Variants in IGLL5 observed in about 807,000 individuals in gnomAD.
IGLL5 encodes the protein immunoglobulin lambda-like polypeptide 5.
In IGLL5, 30 loss-of-function variants were observed where a neutral mutation model predicts 20.9. The ratio of observed to expected loss-of-function variants is 1.44; its 90% CI spans 1.07 to 1.95. The LOEUF is 1.95. Among genes scored for constraint, IGLL5 ranks in the 30% most tolerant of loss-of-function variants. The pLI is 0.00. For synonymous variants in IGLL5, 203 were observed against 117.3 expected, an observed-to-expected ratio of 1.73 and a Z score of -4.72; for missense variants, 475 against 270.7, an observed-to-expected ratio of 1.75 and a Z score of -5.30.
chr22:22,888,424 T>G lies in IGLL5; in HGVS notation c.206+165T>G, dbSNP rs181805234. ...GGGTTGATATTTTGTCCATCACAGATTTGTTTGAATTACTGTTTTTAATAT... is the reference window on the plus strand; with the variant it reads ...GGGTTGATATTTTGTCCATCACAGAGTTGTTTGAATTACTGTTTTTAATAT... On this transcript the variant is annotated intron_variant, in intron 1 of 2. Coordinates refer to ENST00000526893, the MANE Select transcript of IGLL5 (RefSeq NM_001178126.2). 2.0e-5 allele frequency among the ~76,000 whole-genome samples: 3 copies of G among 151,360 alleles called. 1 individual carries two copies. The highest frequency in any genetic ancestry group is 2.9e-5 in the Non-Finnish European group (2 of 67,880).
rs561109507 is a variant in IGLL5 at position 22,894,213 on chromosome 22, T to C, written c.325+395T>C. Among the ~76,000 whole-genome samples, 13 of 151,008 alleles carry C rather than the reference T, an allele frequency of 8.6e-5. No individual in the cohort carries two copies. The East Asian group carries it at 1.0e-3, about 12-fold the overall frequency. ...TGGGCCTGGGAGCTGCTGAGTCTCA[T>C]AGTCTAGGGGAGCAGCCCCAAGAAC... On this transcript the variant is annotated intron_variant, in intron 2 of 2. Transcript: ENST00000526893.
At position 22,895,526 on chromosome 22, in the gene IGLL5, G is replaced by C; in HGVS notation, c.477G>C (p.Ala159=). The change falls in exon 3 of 3, where the codon GCG becomes GCC. Residue 159 remains alanine, a synonymous_variant. Transcript: ENST00000526893. ...AGGCAGATGGCAGCCCCGTCAAGGCGGGAGTGGAGACCACCAAACCCTCCA... is the reference window on the plus strand; with the variant it reads ...AGGCAGATGGCAGCCCCGTCAAGGCCGGAGTGGAGACCACCAAACCCTCCA... ...AWKADGSPVK[A]GVETTKPSKQ... is the part of the protein sequence containing the mutation. 1 of 1,612,776 alleles carries C rather than the reference G, an allele frequency of 6.2e-7. No homozygotes were observed. The highest frequency in any genetic ancestry group is 1.1e-5 in the South Asian group (1 of 91,018).
Position 22,893,627 on chromosome 22 carries a change from C to A in IGLL5, c.207-73C>A, listed in dbSNP as rs1328924687. ...CAGGCACAGGGACACCTCTAGGGGG[C>A]TGGCCACCCCCCTGCCTCATGTCTA... On this transcript the variant is annotated intron_variant, in intron 1 of 2. Coordinates refer to ENST00000526893, the MANE Select transcript of IGLL5 (RefSeq NM_001178126.2). 5.7e-6 allele frequency: 5 copies of A among 879,786 alleles called. No individual in the cohort carries two copies. The Admixed American group carries it at 6.5e-5, about 11-fold the overall frequency. The allele number at this position is 879,786 out of a possible 1,614,324, so 54.5% of individuals were successfully genotyped here.
At chr22:22,894,416 G>T (rs187619901) in intron 2 of IGLL5, among the ~76,000 whole-genome samples, 1 of 151,444 alleles carries the variant, frequency 6.6e-6, no homozygotes, top group East Asian at 2.0e-4. Context: ...CAGAGGGACG[G>T]GTGAGACTGG....
Position 22,888,273 on chromosome 22 carries a change from G to C in IGLL5, c.206+14G>C, listed in dbSNP as rs752869637. The C allele has an allele frequency of 4.5e-6, 7 of 1,545,896 alleles. No individual in the cohort carries two copies. Among genetic ancestry groups the C allele is most frequent in the East Asian group, 4.9e-5 (2 of 40,616 alleles). On this transcript the variant is annotated intron_variant, in intron 1 of 2. Transcript: ENST00000526893. ...CCTGTGGGGCAGGTAAGGGGCAAGA[G>C]ATTCCAGGGGATGTGGGGGTCCTGC... is the stretch of plus-strand genomic sequence containing the variant.
At chr22:22,888,403 T>TCCA (rs2067592548) in intron 1 of IGLL5, 144 bp downstream of exon 1, 1 of 652,276 alleles carries the variant, frequency 1.5e-6, no homozygotes, top group Admixed American at 3.0e-5. Context: ...AGTAATGGGT[T>TCCA]GATATTTTGT....
At chr22:22,888,810 T>A (rs559553365) in intron 1 of IGLL5, among the ~76,000 whole-genome samples, 3 of 151,378 alleles carry the variant, frequency 2.0e-5, no homozygotes, top group African/African-American at 4.8e-5. Flanking sequence ...CGAGGGGAGC[T>A]GTCCAGTCAT....
chr22:22,889,906 T>C (rs1299593956), intron 1 of IGLL5, among the ~76,000 whole-genome samples: 1 of 151,282 alleles, frequency 6.6e-6, no homozygotes, highest in Admixed American at 6.6e-5. Context: ...CAACTGTGTT[T>C]TTAAAGTATA....
rs1373692455 is a variant in IGLL5, at chr22:22,887,874, G to C, written c.-180G>C. 6.2e-6 allele frequency: 4 copies of C among 649,876 alleles called. No homozygotes were observed. Among genetic ancestry groups the C allele is most frequent in the Admixed American group, 4.8e-5 (2 of 41,680 alleles). 40.3% of individuals were successfully genotyped at this position (649,876 alleles called of 1,614,324 possible). Reference sequence around the variant, plus strand: ...CTGGGAGAGATCCCCAGGGGTGACAGCCATGGACCCTGGAAGGGCCTGGGC... The same window carrying C: ...CTGGGAGAGATCCCCAGGGGTGACACCCATGGACCCTGGAAGGGCCTGGGC... On this transcript the variant is annotated 5_prime_UTR_variant, in exon 1 of 3. Transcript: ENST00000526893.
At chr22:22,894,837 A>C (rs537271871) in intron 2 of IGLL5, among the ~76,000 whole-genome samples, 1 of 151,374 alleles carries the variant, frequency 6.6e-6, no homozygotes, top group African/African-American at 2.4e-5. Context: ...CAGGAGAGCC[A>C]AGTGGGCTGG....
rs760394502 is a variant in IGLL5 at position 22,888,187 on chromosome 22, C to A, written c.134C>A (p.Pro45Gln). 1 of 1,548,772 alleles carries A rather than the reference C, an allele frequency of 6.5e-7. No homozygotes were observed. The highest frequency in any genetic ancestry group is 1.2e-5 in the South Asian group (1 of 83,972). The stretch of plus-strand genomic sequence containing the variant: ...GGCCTGCTGCGCCCAATGGTTGCAC[C>A]GCAAAGCGGGGACCCAGACCCTGGA... The part of the protein sequence containing the change: ...AHGLLRPMVA[P>Q]QSGDPDPGAS... The change falls in exon 1 of 3, where the codon CCG (proline) becomes CAG (glutamine). Residue 45 changes from proline (P) to glutamine (Q), a missense_variant. Transcript: ENST00000526893.
At chr22:22,893,899 T>A (rs543110663) in intron 2 of IGLL5, 81 bp downstream of exon 2, 4 of 943,852 alleles carry the variant, frequency 4.2e-6, no homozygotes, top group Admixed American at 3.5e-5. Context: ...TGGGGCTTCC[T>A]CCCCTCTGTC....
chr22:22,887,898 G>C lies in IGLL5; in HGVS notation c.-156G>C, dbSNP rs192654179. 3 of 698,658 alleles carry C rather than the reference G, an allele frequency of 4.3e-6. No individual in the cohort carries two copies. The highest frequency in any genetic ancestry group is 5.2e-6 in the Non-Finnish European group (2 of 386,652). 43.3% of individuals were successfully genotyped at this position (698,658 alleles called of 1,614,324 possible). ...AGCCATGGACCCTGGAAGGGCCTGG[G>C]CTAGGGACAGGGACCAGAGCCAGTC... On this transcript the variant is annotated 5_prime_UTR_variant, in exon 1 of 3. Transcript: ENST00000526893.
intron 2 of IGLL5, among the ~76,000 whole-genome samples, chr22:22,894,218 T>C (rs1226376561): frequency 3.3e-5 from 5 of 151,022 alleles, no homozygotes; most frequent in East Asian, 2.0e-4. Flanking sequence ...TCTCATAGTC[T>C]AGGGGAGCAG....
At chr22:22,888,712 T>C (rs193270600) in intron 1 of IGLL5, among the ~76,000 whole-genome samples, 4 of 151,328 alleles carry the variant, frequency 2.6e-5, no homozygotes, top group South Asian at 2.1e-4. Context: ...GGGCTTGGTT[T>C]GGTCTCCCCC....
At chr22:22,895,110 T>C (rs2066724002) in intron 2 of IGLL5, among the ~76,000 whole-genome samples, 1 of 150,930 alleles carries the variant, frequency 6.6e-6, no homozygotes, top group Admixed American at 6.6e-5. Flanking sequence ...CTGCCCTGGG[T>C]ATATGGAGAA....
Position 22,893,758 on chromosome 22 carries a change from T to G in IGLL5, c.265T>G (p.Trp89Gly). The G allele has an allele frequency of 6.2e-7, 1 of 1,609,508 alleles. No individual in the cohort carries two copies. The highest frequency in any genetic ancestry group is 8.5e-7 in the Non-Finnish European group (1 of 1,178,096). The change falls in exon 2 of 3, where the codon TGG becomes GGG. Residue 89 changes from tryptophan (W) to glycine (G), a missense_variant. Transcript: ENST00000526893. The stretch of plus-strand genomic sequence containing the variant: ...CCCCAGGTGCTGGCCCCGGGGGTTT[T>G]GGTCTGAGCCTCAGTCACTGTGTTA... Reference protein sequence around the residue: ...ADPRCWPRGFWSEPQSLCYVF... With the variant: ...ADPRCWPRGFGSEPQSLCYVF...
At position 22,888,798 on chromosome 22, in the gene IGLL5, A is replaced by G. The variant is rs182504105; in HGVS notation, c.206+539A>G. ...CAAGGACACAGGGAGGGTGGGATGA[A>G]CCGAGGGGAGCTGTCCAGTCATTGG... On this transcript the variant is annotated intron_variant, in intron 1 of 2. Coordinates refer to ENST00000526893, the MANE Select transcript of IGLL5 (RefSeq NM_001178126.2). Among the ~76,000 whole-genome samples the G allele has an allele frequency of 7.9e-5, 12 of 151,348 alleles. No homozygotes were observed. The East Asian group carries it at 8.1e-4, about 10-fold the overall frequency.
At position 22,888,210 on chromosome 22, in the gene IGLL5, GGAGCCTCA is replaced by G; in HGVS notation, c.159_166del (p.Ala54TrpfsTer35). On this transcript the variant is annotated frameshift_variant, in exon 1 of 3. Transcript: ENST00000526893. LOFTEE classifies it high-confidence loss of function. ...ACCGCAAAGCGGGGACCCAGACCCT[GGAGCCTCA>G]GTTGGAAGCAGCCGATCCAGCCTGC... 1 of 1,548,450 alleles carries G rather than the reference GGAGCCTCA, an allele frequency of 6.5e-7. No individual in the cohort carries two copies. The highest frequency in any genetic ancestry group is 1.4e-5 in the African/African-American group (1 of 72,756).
Sources: gnomAD v4.1 joint callset for allele counts (sites outside exome capture counted in the v4.1 genomes callset) on GRCh38, gnomAD v4.1.1 for gene constraint, MANE v1.5 for transcripts, NCBI Gene and HGNC (gene_info 2026-07-23, HGNC 2026-07-21) for gene names.